FSTL4: variants seen among roughly 807,000 people sequenced by gnomAD.
FSTL4 encodes follistatin like 4, also known as follistatin-related protein 4.
In FSTL4, 28 loss-of-function variants were observed where a neutral mutation model predicts 78.2. That is an observed-to-expected ratio of 0.36 (90% CI 0.27 to 0.49). The LOEUF is 0.49. Ranked by LOEUF, FSTL4 falls within the 20% of genes least tolerant of loss-of-function variation. FSTL4 has a pLI of 0.98. For synonymous variants in FSTL4, 422 were observed against 440.5 expected (o/e 0.96, Z 0.53); for missense variants, 922 against 1,084.9 (o/e 0.85, Z 2.11).
At chr5:133,511,757 G>A (rs1208595613) in intron 3 of FSTL4, among the ~76,000 whole-genome samples, 1 of 152,162 alleles carries the variant, frequency 6.6e-6, no homozygotes, top group Non-Finnish European at 1.5e-5. Context: ...GAGTTAGGAG[G>A]AGGCAGAAGC....
chr5:133,303,969 G>T (rs953311434), intron 6 of FSTL4, among the ~76,000 whole-genome samples: 1 of 152,158 alleles, frequency 6.6e-6, no homozygotes, highest in Non-Finnish European at 1.5e-5. Flanking sequence ...CCTCAGTTTG[G>T]TTTCTGGGCT....
the FSTL4 span, among the ~76,000 whole-genome samples, chr5:133,745,269 G>A: frequency 6.6e-6 from 1 of 152,240 alleles, no homozygotes; most frequent in Non-Finnish European, 1.5e-5. Context: ...CCCACTGGAT[G>A]ATCCTCAAGC....
intron 3 of FSTL4, among the ~76,000 whole-genome samples, chr5:133,427,162 T>A (rs2126992521): frequency 6.6e-6 from 1 of 152,296 alleles, no homozygotes; most frequent in South Asian, 2.1e-4. Context: ...ACCAGCCACA[T>A]AACCTCTCTG....
At chr5:133,377,101 C>T (rs1189010542) in intron 4 of FSTL4, among the ~76,000 whole-genome samples, 2 of 152,086 alleles carry the variant, frequency 1.3e-5, no homozygotes, top group South Asian at 2.1e-4. Flanking sequence ...GCCAGCACAA[C>T]TAATCCCTGC....
At chr5:133,507,650 G>A (rs1758636841) in intron 3 of FSTL4, among the ~76,000 whole-genome samples, 1 of 151,114 alleles carries the variant, frequency 6.6e-6, no homozygotes, top group South Asian at 2.1e-4. Flanking sequence ...AGCCTCCCAA[G>A]TAGCTGGGAT....
chr5:133,446,918 G>A (rs535213716), intron 3 of FSTL4, among the ~76,000 whole-genome samples: 1 of 152,312 alleles, frequency 6.6e-6, no homozygotes, highest in South Asian at 2.1e-4. Context: ...GGGTTCTGGA[G>A]GCAGAGGAAG....
At chr5:133,538,471 G>C (rs1469372493) in intron 3 of FSTL4, among the ~76,000 whole-genome samples, 1 of 152,074 alleles carries the variant, frequency 6.6e-6, no homozygotes, top group African/African-American at 2.4e-5. Flanking sequence ...TAATTAAAAA[G>C]TAATGTGTGG....
At chr5:133,305,674 C>A (rs1332967611) in intron 6 of FSTL4, among the ~76,000 whole-genome samples, 1 of 152,220 alleles carries the variant, frequency 6.6e-6, no homozygotes, top group Non-Finnish European at 1.5e-5. Flanking sequence ...TTGCTCACAG[C>A]TGAGTCTCTG....
intron 3 of FSTL4, among the ~76,000 whole-genome samples, chr5:133,513,105 G>A (rs192144983): frequency 3.9e-5 from 6 of 152,306 alleles, no homozygotes; most frequent in Admixed American, 3.9e-4. Flanking sequence ...ACAGGCATGA[G>A]CCACTGTGCC....
chr5:133,679,573 G>A, the FSTL4 span, among the ~76,000 whole-genome samples: 3 of 152,068 alleles, frequency 2.0e-5, no homozygotes, highest in South Asian at 2.1e-4. Flanking sequence ...GGACCTTCTT[G>A]GCATGGACTC....
intron 6 of FSTL4, among the ~76,000 whole-genome samples, chr5:133,289,038 T>G (rs1035890416): frequency 2.0e-5 from 3 of 152,106 alleles, no homozygotes; most frequent in Non-Finnish European, 2.9e-5. Flanking sequence ...GCAAGGGAGC[T>G]CCACAGAGTG....
In FSTL4 at chr5:133,236,174, C is replaced by T. The variant is rs1027732829; in HGVS notation, c.895-2637G>A. 2.0e-5 allele frequency among the ~76,000 whole-genome samples: 3 copies of T among 152,158 alleles called. No individual in the cohort carries two copies. Among genetic ancestry groups the T allele is most frequent in the Non-Finnish European group, 2.9e-5 (2 of 68,026 alleles). On this transcript the variant is annotated intron_variant, in intron 7 of 15. Coordinates refer to ENST00000265342, the MANE Select transcript of FSTL4 (RefSeq NM_015082.2). This position sits in a 1 kb window ranked among gnomAD's most constrained non-coding sequence, Gnocchi z 5.0. ...CATCCACAGCCCCTTCTCATGATGG[C>T]CCTTGAAGCTGGCCTCAGGCTCTGG...
At chr5:133,793,122 A>T in the FSTL4 span, among the ~76,000 whole-genome samples, 2 of 152,194 alleles carry the variant, frequency 1.3e-5, no homozygotes, top group Admixed American at 6.5e-5. Context: ...AGCAGTGACA[A>T]CTGAGGCCCA....
At position 133,406,293 on chromosome 5, in the gene FSTL4, C is replaced by A. The variant is rs773962289; in HGVS notation, c.161-5307G>T. 5.7e-4 allele frequency among the ~76,000 whole-genome samples: 87 copies of A among 152,284 alleles called. No individual in the cohort carries two copies. The Middle Eastern group carries it at 0.01, about 18-fold the overall frequency. ...ATAAGAAGAGGCCTGGCTCCTAAAG[C>A]CCTGCTCCAAGGTAAACATCACCAG... is the stretch of plus-strand genomic sequence containing the variant. On this transcript the variant is annotated intron_variant, in intron 3 of 15. Coordinates refer to ENST00000265342, the MANE Select transcript of FSTL4 (RefSeq NM_015082.2).
At chr5:133,767,680 G>A in the FSTL4 span, among the ~76,000 whole-genome samples, 1 of 152,166 alleles carries the variant, frequency 6.6e-6, no homozygotes, top group African/African-American at 2.4e-5. Flanking sequence ...GAGAATGGGG[G>A]CCAGAACCAG....
chr5:133,248,138 T>C (rs932311315), intron 7 of FSTL4: 1 of 152,342 alleles, frequency 6.6e-6, no homozygotes, highest in African/African-American at 2.4e-5. Context: ...TCTGTCTCCA[T>C]GGTGGGGCAG....
At chr5:133,411,356 A>G (rs1756474082) in intron 3 of FSTL4, among the ~76,000 whole-genome samples, 1 of 152,210 alleles carries the variant, frequency 6.6e-6, no homozygotes, top group Non-Finnish European at 1.5e-5. Flanking sequence ...TGGGGGAACT[A>G]TGATTTTTGA....
At chr5:133,357,932 T>A (rs1754976605) in intron 4 of FSTL4, among the ~76,000 whole-genome samples, 1 of 152,164 alleles carries the variant, frequency 6.6e-6, no homozygotes, top group Non-Finnish European at 1.5e-5. Context: ...GGCAGCACAG[T>A]CAGTGCTGGT....
At chr5:133,437,108 G>C (rs1337713218) in intron 3 of FSTL4, among the ~76,000 whole-genome samples, 1 of 152,230 alleles carries the variant, frequency 6.6e-6, no homozygotes, top group Non-Finnish European at 1.5e-5. Context: ...AGAAGCACTG[G>C]TTGGAGAATG....
Sources: gnomAD v4.1 joint callset for allele counts (sites outside exome capture counted in the v4.1 genomes callset) on GRCh38, gnomAD v4.1.1 for gene constraint, Gnocchi (gnomAD v3.1) non-coding constraint, MANE v1.5 for transcripts, NCBI Gene and HGNC (gene_info 2026-07-23, HGNC 2026-07-21) for gene names.